The following NCKAP5 variants were observed in gnomAD, a reference collection of about 807,000 sequenced individuals.
NCKAP5 encodes the protein nck-associated protein 5.
Under a neutral mutation model 167.0 loss-of-function variants are expected in NCKAP5, and 92 were observed. The observed-to-expected ratio is 0.55, with a 90% CI of 0.47 to 0.66. The LOEUF (loss-of-function observed/expected upper bound fraction) is 0.66. Among genes scored for constraint, NCKAP5 ranks in the 30% least tolerant of loss-of-function variants. The pLI is 0.00. For synonymous variants in NCKAP5, 891 were observed against 877.4 expected, an observed-to-expected ratio of 1.02 and a Z score of -0.27; for missense variants, 2,378 against 2,315.0, an observed-to-expected ratio of 1.03 and a Z score of -0.56.
chr2:133,026,286 C>T (rs2078695665), intron 6 of NCKAP5, among the ~76,000 whole-genome samples: 1 of 151,462 alleles, frequency 6.6e-6, no homozygotes, highest in Admixed American at 6.6e-5. Flanking sequence ...TTCTCCCATT[C>T]TGTAGGTTGT....
chr2:132,804,563 G>GA (rs201747397), intron 11 of NCKAP5, among the ~76,000 whole-genome samples: 1,783 of 150,756 alleles, frequency 0.012, 26 homozygotes, highest in African/African-American at 0.039. Context: ...AGTTAGTGGA[G>GA]AAAAAAAAAC....
intron 8 of NCKAP5, among the ~76,000 whole-genome samples, chr2:132,918,628 T>C (rs1471868213): frequency 6.6e-6 from 1 of 152,152 alleles, no homozygotes. Flanking sequence ...TATTATAAAA[T>C]AACGTTAACT....
At chr2:133,416,763 C>G (rs973230441) in intron 3 of NCKAP5, among the ~76,000 whole-genome samples, 6 of 152,168 alleles carry the variant, frequency 3.9e-5, no homozygotes, top group African/African-American at 1.4e-4. Context: ...CTACTCAGCT[C>G]AGACTCACCA....
At chr2:133,187,246 C>T (rs921654681) in intron 5 of NCKAP5, among the ~76,000 whole-genome samples, 1 of 151,928 alleles carries the variant, frequency 6.6e-6, no homozygotes, top group African/African-American at 2.4e-5. Context: ...AATTTCCAGG[C>T]TTTTGTATAG....
At chr2:133,577,954 G>A in the NCKAP5 span, among the ~76,000 whole-genome samples, 5 of 152,112 alleles carry the variant, frequency 3.3e-5, no homozygotes, top group Admixed American at 1.3e-4. Context: ...CACCTAAGAC[G>A]ACCCAGCTCC....
intron 11 of NCKAP5, among the ~76,000 whole-genome samples, chr2:132,840,436 C>A (rs112487934): frequency 0.022 from 3,277 of 152,060 alleles, 125 homozygotes; most frequent in African/African-American, 0.074. Context: ...CCACCATGCC[C>A]GACTAATTTT....
chr2:133,319,162 C>A (rs1344665683), intron 3 of NCKAP5, among the ~76,000 whole-genome samples: 1 of 143,778 alleles, frequency 7.0e-6, no homozygotes, highest in Non-Finnish European at 1.5e-5. Flanking sequence ...CCCCCGCCCC[C>A]TTCCACCCCC....
intron 6 of NCKAP5, chr2:133,118,664 A>G (rs755235007): frequency 7.2e-5 from 11 of 152,212 alleles, no homozygotes; most frequent in Non-Finnish European, 8.8e-5. Flanking sequence ...TCAAGTGAGT[A>G]AAGTAGAATA....
At chr2:133,197,366 A>T (rs560816229) in intron 5 of NCKAP5, among the ~76,000 whole-genome samples, 76 of 152,346 alleles carry the variant, frequency 5.0e-4, no homozygotes, top group African/African-American at 1.8e-3. Context: ...GCCACAGCCC[A>T]CAGAAGGCAG....
intron 11 of NCKAP5, among the ~76,000 whole-genome samples, chr2:132,834,668 T>A (rs1687761611): frequency 6.6e-6 from 1 of 152,102 alleles, no homozygotes; most frequent in Non-Finnish European, 1.5e-5. Flanking sequence ...TTTTAAATTT[T>A]TGTAGAGACA....
At chr2:133,475,329 T>C (rs1385597794) in intron 3 of NCKAP5, among the ~76,000 whole-genome samples, 2 of 152,232 alleles carry the variant, frequency 1.3e-5, no homozygotes, top group Non-Finnish European at 2.9e-5. Context: ...ACTCCCAATG[T>C]GCACACACAC....
At chr2:132,839,757 C>CA (rs59000613) in intron 11 of NCKAP5, among the ~76,000 whole-genome samples, 17,675 of 61,988 alleles carry the variant, frequency 0.29, 2,452 homozygotes, top group African/African-American at 0.37. Flanking sequence ...GACCTTGTCT[C>CA]AAAAAAAAAA....
At chr2:133,133,495 C>T (rs1047697066) in intron 5 of NCKAP5, among the ~76,000 whole-genome samples, 5 of 152,188 alleles carry the variant, frequency 3.3e-5, no homozygotes, top group Non-Finnish European at 7.3e-5. Context: ...AGCTCAAAGG[C>T]TGAGTCTAAG....
intron 3 of NCKAP5, among the ~76,000 whole-genome samples, chr2:133,478,521 C>A (rs1259760714): frequency 1.3e-5 from 2 of 152,164 alleles, no homozygotes; most frequent in Admixed American, 1.3e-4. Context: ...CCTGCCCTGA[C>A]ACCTCGATAG....
intron 6 of NCKAP5, among the ~76,000 whole-genome samples, chr2:133,121,443 A>G (rs1391031564): frequency 3.9e-5 from 6 of 152,128 alleles, no homozygotes; most frequent in Non-Finnish European, 8.8e-5. Context: ...GAGAAGAGGT[A>G]CCCAGATGGG....
chr2:133,410,311 G>A (rs1477924349), intron 3 of NCKAP5, among the ~76,000 whole-genome samples: 1 of 152,192 alleles, frequency 6.6e-6, no homozygotes, highest in Non-Finnish European at 1.5e-5. Flanking sequence ...CATAGCTGAT[G>A]TCAATGAAAT....
intron 4 of NCKAP5, among the ~76,000 whole-genome samples, chr2:133,293,540 A>G (rs1487076223): frequency 6.6e-6 from 1 of 152,204 alleles, no homozygotes; most frequent in Non-Finnish European, 1.5e-5. Context: ...TTCTTGGAAG[A>G]CAGTGATGTT....
chr2:133,103,531 T>A (rs1443563140), intron 6 of NCKAP5, among the ~76,000 whole-genome samples: 1 of 152,206 alleles, frequency 6.6e-6, no homozygotes, highest in Admixed American at 6.5e-5. Flanking sequence ...TGATTGCTTA[T>A]ACCTGTAACC....
intron 16 of NCKAP5, among the ~76,000 whole-genome samples, chr2:132,744,762 A>G (rs918447690): frequency 6.6e-6 from 1 of 151,828 alleles, no homozygotes; most frequent in Non-Finnish European, 1.5e-5. Flanking sequence ...AAAATTCTCA[A>G]TATTATGAAT....
Sources: allele counts gnomAD v4.1 joint callset (sites outside exome capture counted in the v4.1 genomes callset), GRCh38; gene constraint gnomAD v4.1.1; transcripts MANE v1.5; gene names NCBI Gene and HGNC (gene_info 2026-07-23, HGNC 2026-07-21).